The following SEMA5A variants were observed in gnomAD, a reference collection of about 807,000 sequenced individuals.
SEMA5A encodes the protein semaphorin-5A.
A neutral mutation model predicts 135.5 loss-of-function variants in SEMA5A; 55 were observed. The ratio of observed to expected loss-of-function variants is 0.41; its 90% confidence interval spans 0.33 to 0.51. The LOEUF is 0.51. Ranked by LOEUF, SEMA5A falls within the 20% of genes least tolerant of loss-of-function variation. The probability of loss-of-function intolerance (pLI) is 0.37; values close to 1 mark genes in which losing one functional copy is unlikely to be tolerated. For synonymous variants in SEMA5A, 580 were observed against 546.5 expected, an observed-to-expected ratio of 1.06 and a Z score of -0.85; for missense variants, 1,290 against 1,419.9, an observed-to-expected ratio of 0.91 and a Z score of 1.47.
chr5:9,395,755 T>A (rs1756366589), intron 2 of SEMA5A, among the ~76,000 whole-genome samples: 1 of 152,174 alleles, frequency 6.6e-6, no homozygotes, highest in African/African-American at 2.4e-5. Context: ...TAGATTACAT[T>A]TCTGGTTGAG....
intron 5 of SEMA5A, among the ~76,000 whole-genome samples, chr5:9,301,635 G>T (rs1751615154): frequency 6.6e-6 from 1 of 152,152 alleles, no homozygotes; most frequent in African/African-American, 2.4e-5. Flanking sequence ...TGATTGCAAA[G>T]AAGAAATTGG....
intron 12 of SEMA5A, among the ~76,000 whole-genome samples, chr5:9,140,188 A>G (rs993861917): frequency 3.9e-5 from 6 of 152,232 alleles, no homozygotes; most frequent in Admixed American, 2.0e-4. Context: ...CCAATAATGT[A>G]CTATTTTAAA....
At chr5:9,060,149 G>C (rs1457464934) in intron 18 of SEMA5A, among the ~76,000 whole-genome samples, 1 of 152,284 alleles carries the variant, frequency 6.6e-6, no homozygotes, top group South Asian at 2.1e-4. Context: ...CTAGTGCAAG[G>C]TGACATGGGC....
chr5:9,103,095 G>A (rs1739718274), intron 16 of SEMA5A, among the ~76,000 whole-genome samples: 1 of 152,172 alleles, frequency 6.6e-6, no homozygotes, highest in Non-Finnish European at 1.5e-5. Context: ...TGCTGAGGGA[G>A]ACACAGCACC....
intron 1 of SEMA5A, among the ~76,000 whole-genome samples, chr5:9,468,577 G>A (rs1759350637): frequency 2.0e-5 from 1 of 48,844 alleles, no homozygotes; most frequent in African/African-American, 7.9e-5. Context: ...AGTGATTTCT[G>A]GTAACACTTG....
intron 5 of SEMA5A, among the ~76,000 whole-genome samples, chr5:9,308,654 T>C (rs1263923251): frequency 2.0e-5 from 3 of 152,152 alleles, no homozygotes; most frequent in Non-Finnish European, 4.4e-5. Flanking sequence ...ATGTCAACTA[T>C]AGGTCGTATG....
intron 3 of SEMA5A, among the ~76,000 whole-genome samples, chr5:9,350,751 G>A (rs1463875566): frequency 6.6e-6 from 1 of 152,206 alleles, no homozygotes; most frequent in African/African-American, 2.4e-5. Flanking sequence ...TGCACCGGGA[G>A]AGAACAATCT....
chr5:9,382,370 G>A (rs1017737439), intron 2 of SEMA5A, among the ~76,000 whole-genome samples: 3 of 152,034 alleles, frequency 2.0e-5, no homozygotes, highest in African/African-American at 4.8e-5. Context: ...AGAAAACTGA[G>A]GGGAAAAGCT....
intron 1 of SEMA5A, among the ~76,000 whole-genome samples, chr5:9,497,518 G>T (rs577497666): frequency 2.0e-5 from 3 of 152,276 alleles, no homozygotes; most frequent in South Asian, 2.1e-4. Context: ...GAGACTTGAC[G>T]TCGAGTGGCA....
intron 8 of SEMA5A, among the ~76,000 whole-genome samples, chr5:9,206,347 T>A (rs893687558): frequency 2.0e-5 from 3 of 152,216 alleles, no homozygotes; most frequent in African/African-American, 7.2e-5. Flanking sequence ...TAATAAGAAT[T>A]CTTCTTCATG....
chr5:9,468,024 G>A (rs1759326766), intron 1 of SEMA5A, among the ~76,000 whole-genome samples: 1 of 152,140 alleles, frequency 6.6e-6, no homozygotes, highest in Non-Finnish European at 1.5e-5. Flanking sequence ...AGCTGTAAGA[G>A]GACTTGCTCA....
chr5:9,258,776 C>A (rs976107537), intron 5 of SEMA5A, among the ~76,000 whole-genome samples: 8 of 118,920 alleles, frequency 6.7e-5, no homozygotes, highest in Non-Finnish European at 1.5e-4. Context: ...ATTACTTCCA[C>A]TATTATTTGT....
chr5:9,180,761 A>C (rs1744463956), intron 11 of SEMA5A, among the ~76,000 whole-genome samples: 1 of 145,608 alleles, frequency 6.9e-6, no homozygotes, highest in African/African-American at 2.6e-5. Flanking sequence ...TAGGAACCTG[A>C]AAACCTTGAA....
At chr5:9,207,116 A>ATATATATATATATATATATATG (rs1446001099) in intron 8 of SEMA5A, among the ~76,000 whole-genome samples, 131 of 135,278 alleles carry the variant, frequency 9.7e-4, no homozygotes, top group Middle Eastern at 4.0e-3. Context: ...ATATATATAT[A>ATATATATATATATATATATATG]TATATATATA....
At chr5:9,043,596 G>C (rs1474647431) in intron 22 of SEMA5A, among the ~76,000 whole-genome samples, 1 of 152,158 alleles carries the variant, frequency 6.6e-6, no homozygotes, top group African/African-American at 2.4e-5. Flanking sequence ...AACTGAGCCA[G>C]GTAGAACATA....
chr5:9,226,570 G>T (rs1422245651), intron 7 of SEMA5A, among the ~76,000 whole-genome samples: 1 of 152,082 alleles, frequency 6.6e-6, no homozygotes, highest in African/African-American at 2.4e-5. Flanking sequence ...AGACAAAAAA[G>T]AATATGTTTA....
chr5:9,168,498 T>C (rs1743735931), intron 11 of SEMA5A, among the ~76,000 whole-genome samples: 1 of 152,178 alleles, frequency 6.6e-6, no homozygotes, highest in Non-Finnish European at 1.5e-5. Context: ...GGAAGCACTT[T>C]ATGTGTCTTC....
chr5:9,224,923 T>A, intron 7 of SEMA5A, 36 bp from the exon 8 acceptor site: 1 of 1,570,778 alleles, frequency 6.4e-7, no homozygotes, highest in Non-Finnish European at 8.7e-7. Flanking sequence ...CAGTTATCTC[T>A]GCACAAGCCC....
chr5:9,049,394 A>G (rs1736446460), intron 21 of SEMA5A, among the ~76,000 whole-genome samples: 1 of 152,044 alleles, frequency 6.6e-6, no homozygotes, highest in Non-Finnish European at 1.5e-5. Context: ...ACTCCTCCTG[A>G]CCTCACGTGA....
Sources: allele counts gnomAD v4.1 joint callset (sites outside exome capture counted in the v4.1 genomes callset), GRCh38; gene constraint gnomAD v4.1.1; transcripts MANE v1.5; gene names NCBI Gene and HGNC (gene_info 2026-07-23, HGNC 2026-07-21).